LIMS4: variants seen among roughly 807,000 people sequenced by gnomAD.
LIMS4 encodes LIM zinc finger domain containing 4.
the LIMS4 span, chr2:110,386,565 G>C: frequency 1.7e-6 from 1 of 586,432 alleles, no homozygotes; most frequent in South Asian, 1.8e-5. Context: ...AGAGGCCCAG[G>C]GACAGCAGTG....
At chr2:110,366,058 T>G in the LIMS4 span, among the ~76,000 whole-genome samples, 18 of 151,288 alleles carry the variant, frequency 1.2e-4, no homozygotes, top group Admixed American at 1.2e-3. Flanking sequence ...TTTATGATTT[T>G]GAGCAAGAAA....
At chr2:110,365,312 AAAAATT>A in the LIMS4 span, among the ~76,000 whole-genome samples, 1 of 150,634 alleles carries the variant, frequency 6.6e-6, no homozygotes, top group Non-Finnish European at 1.5e-5. Context: ...AAAAATTTTT[AAAAATT>A]GAAATCATAC....
the LIMS4 span, among the ~76,000 whole-genome samples, chr2:110,391,257 C>T: frequency 5.4e-5 from 8 of 146,986 alleles, no homozygotes; most frequent in Non-Finnish European, 8.9e-5. Context: ...TAACAATGGG[C>T]GCTCACCCAG....
chr2:110,425,064 G>C, the LIMS4 span, among the ~76,000 whole-genome samples: 1 of 142,572 alleles, frequency 7.0e-6, no homozygotes, highest in Non-Finnish European at 1.5e-5. Context: ...GCTACTGCAG[G>C]GTCCCTGCCA....
the LIMS4 span, among the ~76,000 whole-genome samples, chr2:110,382,101 ATATATATATATATATATAT>A: frequency 1.7e-4 from 3 of 17,550 alleles, no homozygotes; most frequent in African/African-American, 9.5e-4. Context: ...AAAAAAAAAT[ATATATATATATATATATAT>A]ATATATATAT....
chr2:110,382,065 C>CAAAAAA, the LIMS4 span, among the ~76,000 whole-genome samples: 2 of 10,084 alleles, frequency 2.0e-4, 1 homozygote, highest in African/African-American at 7.7e-4. Flanking sequence ...GACTCCGTCT[C>CAAAAAA]AAAAAAAAAA....
At chr2:110,366,081 A>C in the LIMS4 span, among the ~76,000 whole-genome samples, 1 of 151,094 alleles carries the variant, frequency 6.6e-6, no homozygotes, top group Non-Finnish European at 1.5e-5. Context: ...GCCCAGGATC[A>C]GATGAATTCA....
the LIMS4 span, among the ~76,000 whole-genome samples, chr2:110,359,658 T>A: frequency 2.0e-5 from 2 of 102,048 alleles, no homozygotes; most frequent in Non-Finnish European, 3.9e-5. Flanking sequence ...TCAGCTGATT[T>A]TTTTTTCTAT....
the LIMS4 span, among the ~76,000 whole-genome samples, chr2:110,425,435 G>C: frequency 7.2e-6 from 1 of 139,620 alleles, no homozygotes; most frequent in Non-Finnish European, 1.5e-5. Context: ...GCAAGTTCCA[G>C]GTGGGAGACT....
the LIMS4 span, among the ~76,000 whole-genome samples, chr2:110,366,901 C>A: frequency 3.3e-5 from 5 of 149,938 alleles, no homozygotes; most frequent in Non-Finnish European, 7.4e-5. Context: ...CCAACAATAT[C>A]CAAGCTGAGT....
the LIMS4 span, chr2:110,361,175 G>A: frequency 1.6e-4 from 137 of 850,544 alleles, 4 homozygotes; most frequent in Middle Eastern, 3.4e-4. Context: ...GATGCCATGC[G>A]TCAGCTGGAC....
chr2:110,382,083 AAAAAAAAAAAAAAAAATATATAT>A, the LIMS4 span, among the ~76,000 whole-genome samples: 1 of 95,258 alleles, frequency 1.0e-5, no homozygotes, highest in Admixed American at 1.3e-4. Context: ...AAAAAAAAAA[AAAAAAAAAAAAAAAAATATATAT>A]ATATATATAT....
At chr2:110,397,359 G>C in the LIMS4 span, 1 of 146,656 alleles carries the variant, frequency 6.8e-6, no homozygotes, top group African/African-American at 2.6e-5. Flanking sequence ...AACAAGTTCT[G>C]TTCATCACTA....
chr2:110,362,334 T>A, the LIMS4 span: 1 of 1,421,836 alleles, frequency 7.0e-7, no homozygotes, highest in Non-Finnish European at 9.4e-7. Flanking sequence ...ACTGAATTTT[T>A]GTGACAGTGT....
chr2:110,360,562 T>C, the LIMS4 span: 12 of 802,832 alleles, frequency 1.5e-5, no homozygotes, highest in Non-Finnish European at 2.3e-5. Context: ...CAAAAGTGTC[T>C]TATGCCAATG....
the LIMS4 span, among the ~76,000 whole-genome samples, chr2:110,411,286 T>TTAACACTG: frequency 7.9e-6 from 1 of 126,822 alleles, no homozygotes; most frequent in African/African-American, 3.4e-5. Flanking sequence ...TTGAAAATCT[T>TTAACACTG]TAACACTGAG....
the LIMS4 span, among the ~76,000 whole-genome samples, chr2:110,389,725 C>T: frequency 7.2e-6 from 1 of 139,744 alleles, no homozygotes; most frequent in Admixed American, 7.2e-5. Context: ...CACAGACACG[C>T]ACAAGCTGAC....
chr2:110,390,767 C>T, the LIMS4 span, among the ~76,000 whole-genome samples: 1 of 151,876 alleles, frequency 6.6e-6, no homozygotes, highest in Admixed American at 6.5e-5. Flanking sequence ...TACCTTGTTC[C>T]AGGGCCTGAG....
chr2:110,425,316 G>A, the LIMS4 span, among the ~76,000 whole-genome samples: 5 of 142,144 alleles, frequency 3.5e-5, no homozygotes, highest in African/African-American at 1.2e-4. Context: ...GGAGGTTGAG[G>A]CTGCAGTGAG....
Sources: allele counts gnomAD v4.1 joint callset (sites outside exome capture counted in the v4.1 genomes callset), GRCh38; gene constraint gnomAD v4.1.1; transcripts MANE v1.5; gene names NCBI Gene and HGNC (gene_info 2026-07-23, HGNC 2026-07-21).